The following SMYD3 variants were observed in gnomAD, a reference collection of about 807,000 sequenced individuals.
SMYD3 encodes the protein SET and MYND domain containing 3, also known as histone-lysine N-methyltransferase SMYD3.
In SMYD3, 36 loss-of-function variants were observed where a neutral mutation model predicts 57.7. That is an observed-to-expected ratio of 0.62 (90% CI 0.48 to 0.82). The LOEUF (loss-of-function observed/expected upper bound fraction) is 0.82, where lower values mean the gene tolerates loss of function less well. SMYD3 is among the 40% of genes least tolerant of loss of function. SMYD3 has a pLI of 0.00. For missense variants in SMYD3, 515 were observed against 538.8 expected (o/e 0.96, Z 0.44); for synonymous variants, 211 against 195.0 (o/e 1.08, Z -0.68).
chr1:245,878,888 G>A (rs142080137), intron 8 of SMYD3, among the ~76,000 whole-genome samples: 17 of 152,202 alleles, frequency 1.1e-4, no homozygotes, highest in Non-Finnish European at 2.2e-4. Context: ...CATGGGTTCC[G>A]GCAGAGAAAG....
chr1:245,777,768 A>G (rs2046664093), intron 10 of SMYD3, among the ~76,000 whole-genome samples: 1 of 152,208 alleles, frequency 6.6e-6, no homozygotes, highest in Non-Finnish European at 1.5e-5. Flanking sequence ...ATAAGACACT[A>G]AGCAAAGACA....
At chr1:245,829,395 G>A (rs1356373517) in intron 10 of SMYD3, among the ~76,000 whole-genome samples, 1 of 152,092 alleles carries the variant, frequency 6.6e-6, no homozygotes, top group South Asian at 2.1e-4. Context: ...TTTCACGGAT[G>A]AGACAACAGG....
At chr1:246,423,794 A>C (rs894362757) in intron 1 of SMYD3, among the ~76,000 whole-genome samples, 3 of 152,192 alleles carry the variant, frequency 2.0e-5, no homozygotes, top group African/African-American at 7.2e-5. Context: ...GGAGAAGAAA[A>C]TGAGGTTGAA....
chr1:245,840,927 C>T (rs1458870420), intron 10 of SMYD3, among the ~76,000 whole-genome samples: 1 of 152,042 alleles, frequency 6.6e-6, no homozygotes, highest in Non-Finnish European at 1.5e-5. Flanking sequence ...TGCAGAGAGC[C>T]AAGGCTTGGC....
intron 5 of SMYD3, among the ~76,000 whole-genome samples, chr1:246,154,942 T>G (rs2062000946): frequency 1.3e-5 from 2 of 151,902 alleles, no homozygotes; most frequent in Admixed American, 1.3e-4. Context: ...CCACCACGCC[T>G]GGCTAATTTT....
chr1:245,889,658 C>T, intron 8 of SMYD3, among the ~76,000 whole-genome samples: 1 of 152,308 alleles, frequency 6.6e-6, no homozygotes, highest in South Asian at 2.1e-4. Flanking sequence ...ATAATTCTTA[C>T]ATGGCAAATT....
chr1:246,406,829 C>T (rs1267351771), intron 1 of SMYD3, among the ~76,000 whole-genome samples: 1 of 152,158 alleles, frequency 6.6e-6, no homozygotes, highest in Non-Finnish European at 1.5e-5. Context: ...AAAATTGCTT[C>T]GATATGCAGC....
At chr1:246,340,004 A>G (rs1237025727) in intron 2 of SMYD3, among the ~76,000 whole-genome samples, 1 of 151,694 alleles carries the variant, frequency 6.6e-6, no homozygotes, top group Non-Finnish European at 1.5e-5. Context: ...TAATAGCAGC[A>G]CAAAAACAGA....
chr1:245,829,374 C>T (rs1260088861), intron 10 of SMYD3, among the ~76,000 whole-genome samples: 1 of 152,126 alleles, frequency 6.6e-6, no homozygotes, highest in South Asian at 2.1e-4. Context: ...TGAGGTTCCA[C>T]ACTAGGGCCC....
chr1:246,003,260 A>G (rs1195665739), intron 5 of SMYD3, among the ~76,000 whole-genome samples: 1 of 152,234 alleles, frequency 6.6e-6, no homozygotes, highest in African/African-American at 2.4e-5. Flanking sequence ...GAGGATCCCC[A>G]CAGAAGGTTG....
intron 5 of SMYD3, among the ~76,000 whole-genome samples, chr1:245,944,224 C>A (rs2057359248): frequency 6.6e-6 from 1 of 151,984 alleles, no homozygotes; most frequent in Non-Finnish European, 1.5e-5. Context: ...ATAACATGAT[C>A]CTATATCTAG....
At chr1:246,417,126 G>A (rs757751083) in intron 1 of SMYD3, among the ~76,000 whole-genome samples, 46 of 152,056 alleles carry the variant, frequency 3.0e-4, no homozygotes, top group Admixed American at 2.6e-3. Flanking sequence ...AGTTTCCAAA[G>A]AGAACCATTT....
chr1:246,154,358 T>C (rs2061988905), intron 5 of SMYD3, among the ~76,000 whole-genome samples: 1 of 152,348 alleles, frequency 6.6e-6, no homozygotes, highest in Admixed American at 6.5e-5. Context: ...TCCAGGTAAG[T>C]AATCTGCCCC....
At position 246,226,487 on chromosome 1, in the gene SMYD3, A is replaced by G. The variant is rs1280508399; in HGVS notation, c.531+100714T>C. Among the ~76,000 whole-genome samples the G allele has an allele frequency of 3.3e-5, 5 of 152,360 alleles. No homozygotes were observed. The South Asian group carries it at 8.3e-4, about 25-fold the overall frequency. ...ATTACAGAAAATAAAACATTCAGTT[A>G]GTGGTATAGTTTGCCTAGAATTGAT... On this transcript the variant is annotated intron_variant, in intron 5 of 11. Transcript: ENST00000490107.
chr1:245,989,919 AT>A (rs1416487614), intron 5 of SMYD3, among the ~76,000 whole-genome samples: 1 of 152,268 alleles, frequency 6.6e-6, no homozygotes, highest in African/African-American at 2.4e-5. Flanking sequence ...ATTTTAAAAA[AT>A]ATTACACATA....
At chr1:245,932,941 A>G (rs1173748519) in intron 5 of SMYD3, among the ~76,000 whole-genome samples, 1 of 152,140 alleles carries the variant, frequency 6.6e-6, no homozygotes, top group Non-Finnish European at 1.5e-5. Flanking sequence ...GCCTACTCTC[A>G]CTTTTATTTA....
intron 5 of SMYD3, among the ~76,000 whole-genome samples, chr1:246,061,778 G>C (rs1203595123): frequency 6.6e-6 from 1 of 152,060 alleles, no homozygotes. Flanking sequence ...CAAAAACCCA[G>C]AAACAGTGAT....
chr1:246,031,651 C>T (rs149370842), intron 5 of SMYD3, among the ~76,000 whole-genome samples: 1,685 of 151,560 alleles, frequency 0.011, 20 homozygotes, highest in Non-Finnish European at 0.016. Context: ...GCAGGAGAAT[C>T]GCTTGAACCA....
At chr1:246,352,650 T>C (rs1183096523) in intron 2 of SMYD3, among the ~76,000 whole-genome samples, 1 of 152,184 alleles carries the variant, frequency 6.6e-6, no homozygotes, top group Admixed American at 6.5e-5. Context: ...GACAGTGACA[T>C]TGTTATTGAT....
Sources: allele counts gnomAD v4.1 joint callset (sites outside exome capture counted in the v4.1 genomes callset), GRCh38; gene constraint gnomAD v4.1.1; transcripts MANE v1.5; gene names NCBI Gene and HGNC (gene_info 2026-07-23, HGNC 2026-07-21).